MATN2: variants seen among roughly 807,000 people sequenced by gnomAD.
MATN2 encodes the protein matrilin 2, also known as matrilin-2.
In MATN2, 69 loss-of-function variants were observed where a neutral mutation model predicts 103.2. The ratio of observed to expected loss-of-function variants is 0.67; its 90% CI spans 0.55 to 0.82. The LOEUF is 0.82. MATN2 is among the 40% of genes least tolerant of loss of function. The pLI, the probability that MATN2 is intolerant of heterozygous loss-of-function variation, is 0.00. For synonymous variants in MATN2, 429 were observed against 450.2 expected (o/e 0.95, Z 0.60); for missense variants, 1,023 against 1,211.5 (o/e 0.84, Z 2.31).
At chr8:97,926,675 G>A (rs1412304133) in intron 2 of MATN2, among the ~76,000 whole-genome samples, 2 of 152,194 alleles carry the variant, frequency 1.3e-5, no homozygotes, top group Non-Finnish European at 2.9e-5. Context: ...CTTCAGAAGT[G>A]GTTATGGTCC....
chr8:97,880,527 AG>A (rs1194146298), intron 1 of MATN2, among the ~76,000 whole-genome samples: 1 of 152,206 alleles, frequency 6.6e-6, no homozygotes, highest in Non-Finnish European at 1.5e-5. Context: ...TTCCTTGGAA[AG>A]TAAGAAATGA....
intron 3 of MATN2, among the ~76,000 whole-genome samples, chr8:97,935,005 A>G (rs1466502203): frequency 1.3e-5 from 2 of 152,204 alleles, no homozygotes; most frequent in Non-Finnish European, 2.9e-5. Context: ...AATAATAGCT[A>G]ATCTTGTCCT....
intron 2 of MATN2, among the ~76,000 whole-genome samples, chr8:97,903,078 C>T (rs1269594611): frequency 1.3e-5 from 2 of 152,156 alleles, no homozygotes; most frequent in Non-Finnish European, 1.5e-5. Flanking sequence ...GGTAGCCAGT[C>T]CTGCTGGGAG....
intron 4 of MATN2, among the ~76,000 whole-genome samples, chr8:97,955,019 C>A (rs548723491): frequency 6.6e-6 from 1 of 152,212 alleles, no homozygotes; most frequent in South Asian, 2.1e-4. Flanking sequence ...GAGGCTTGAG[C>A]ATTCTAGGCA....
chr8:98,009,911 G>T (rs1399993031), intron 10 of MATN2, among the ~76,000 whole-genome samples: 1 of 152,190 alleles, frequency 6.6e-6, no homozygotes, highest in Non-Finnish European at 1.5e-5. Flanking sequence ...GCTCCTGGAG[G>T]TTGGAGGTCA....
intron 10 of MATN2, among the ~76,000 whole-genome samples, chr8:98,013,719 T>A (rs1173268828): frequency 4.6e-5 from 7 of 152,254 alleles, no homozygotes; most frequent in African/African-American, 1.7e-4. Context: ...TTTATCTGCC[T>A]TTAAGTATTC....
rs1275608228 is a variant in MATN2, at chr8:97,963,495, T to G, written c.958+1965T>G. On this transcript the variant is annotated intron_variant, in intron 5 of 18. Coordinates refer to ENST00000254898, the MANE Select transcript of MATN2 (RefSeq NM_002380.5). ...TTCCAAATAATTACCTGCTTGTCCG[T>G]GTGTAGTAGAGAACCTTTGTATCTC... 2.0e-5 allele frequency among the ~76,000 whole-genome samples: 3 copies of G among 152,140 alleles called. No individual in the cohort carries two copies. In the East Asian group the frequency reaches 5.8e-4, roughly 29 times the overall value.
At chr8:97,923,944 T>G (rs574917081) in intron 2 of MATN2, among the ~76,000 whole-genome samples, 59 of 152,300 alleles carry the variant, frequency 3.9e-4, no homozygotes, top group African/African-American at 1.4e-3. Flanking sequence ...CCTCCTATCT[T>G]CCCAGCTTAC....
chr8:97,976,929 C>T (rs1344683841), intron 5 of MATN2, among the ~76,000 whole-genome samples: 4 of 151,892 alleles, frequency 2.6e-5, no homozygotes, highest in African/African-American at 7.3e-5. Flanking sequence ...CACCAAGTCT[C>T]GTGTTGAAAT....
chr8:98,000,619 G>C (rs1032378033), intron 7 of MATN2, among the ~76,000 whole-genome samples: 11 of 116,908 alleles, frequency 9.4e-5, no homozygotes, highest in African/African-American at 2.1e-4. Context: ...AAGAAATATG[G>C]TTAACAATCA....
At position 98,016,558 on chromosome 8, in the gene MATN2, TG is replaced by T. The variant is rs1350142195; in HGVS notation, c.1597del (p.Asp533ThrfsTer9). ...KTCAKLDSCA[L>X]GDHGCEHSCV... is the part of the protein sequence containing the mutation. ...TTCTCAGAATTGGACTCTTGTGCTC[TG>T]GGGGACCACGGTTGTGAACATTCGT... On this transcript the variant is annotated frameshift_variant, in exon 11 of 19. Transcript: ENST00000254898. LOFTEE classifies it high-confidence loss of function. 4.3e-6 allele frequency: 7 copies of T among 1,609,888 alleles called. No homozygotes were observed. Among genetic ancestry groups the T allele is most frequent in the Non-Finnish European group, 5.9e-6 (7 of 1,177,752 alleles).
intron 4 of MATN2, among the ~76,000 whole-genome samples, chr8:97,946,566 C>G (rs1039448667): frequency 1.3e-5 from 2 of 152,182 alleles, no homozygotes; most frequent in African/African-American, 4.8e-5. Flanking sequence ...CCTTATCCTT[C>G]CCCTTCCCAG....
At chr8:98,033,482 T>C in intron 17 of MATN2, 79 bp from the exon 18 acceptor site, 1 of 761,344 alleles carries the variant, frequency 1.3e-6, no homozygotes, top group Non-Finnish European at 2.1e-6. Flanking sequence ...TTCCTCCATA[T>C]GCTGATTCAT....
At chr8:98,020,620 A>G (rs1813556118) in intron 12 of MATN2, among the ~76,000 whole-genome samples, 1 of 152,170 alleles carries the variant, frequency 6.6e-6, no homozygotes. Context: ...CACTGATTCC[A>G]ATTTTGTGTG....
intron 14 of MATN2, 102 bp downstream of exon 14, chr8:98,027,931 A>G (rs1009414116): frequency 8.2e-7 from 1 of 1,221,504 alleles, no homozygotes; most frequent in African/African-American, 1.5e-5. Context: ...CTTTGAGTGT[A>G]CAGAAAGGCC....
chr8:97,873,250 TA>T (rs909051658), intron 1 of MATN2, among the ~76,000 whole-genome samples: 3 of 152,114 alleles, frequency 2.0e-5, no homozygotes, highest in African/African-American at 7.2e-5. Flanking sequence ...ATTAGAGTAT[TA>T]GAGAAAATGA....
chr8:97,950,103 GATA>G (rs1810894268), intron 4 of MATN2, among the ~76,000 whole-genome samples: 1 of 152,132 alleles, frequency 6.6e-6, no homozygotes, highest in South Asian at 2.1e-4. Flanking sequence ...ATGATATATT[GATA>G]AGCCCGATTT....
intron 13 of MATN2, 56 bp from the exon 14 acceptor site, chr8:98,027,360 C>G: frequency 6.9e-7 from 1 of 1,446,114 alleles, no homozygotes; most frequent in Non-Finnish European, 9.4e-7. Context: ...TTATTCTACT[C>G]TTGTGCATAA....
At chr8:98,028,305 CTT>C (rs1223511498) in intron 14 of MATN2, among the ~76,000 whole-genome samples, 1 of 152,144 alleles carries the variant, frequency 6.6e-6, no homozygotes, top group African/African-American at 2.4e-5. Context: ...GGATAATACT[CTT>C]GTGTTTCCAG....
Sources: gnomAD v4.1 joint callset for allele counts (sites outside exome capture counted in the v4.1 genomes callset) on GRCh38, gnomAD v4.1.1 for gene constraint, MANE v1.5 for transcripts, NCBI Gene and HGNC (gene_info 2026-07-23, HGNC 2026-07-21) for gene names.